LUZP2: variants seen among roughly 807,000 people sequenced by gnomAD.
LUZP2 encodes leucine zipper protein 2.
LUZP2 carries 52 observed loss-of-function variants against 51.6 expected under a neutral mutation model. The observed-to-expected ratio is 1.01, with a 90% CI of 0.81 to 1.27. The LOEUF is 1.27. Ranked by LOEUF, LUZP2 falls within the 50% of genes most tolerant of loss-of-function variation. The pLI, the probability that LUZP2 is intolerant of heterozygous loss-of-function variation, is 0.00. For missense variants in LUZP2, 436 were observed against 395.4 expected (o/e 1.10, Z -0.87); for synonymous variants, 154 against 137.3 (o/e 1.12, Z -0.85).
At chr11:24,769,821 C>T (rs1590487804) in intron 5 of LUZP2, among the ~76,000 whole-genome samples, 1 of 147,992 alleles carries the variant, frequency 6.8e-6, no homozygotes, top group African/African-American at 2.5e-5. Flanking sequence ...GAGACAGAGT[C>T]TCGCTCTGTC....
At chr11:24,728,628 C>G (rs1315366685) in intron 1 of LUZP2, among the ~76,000 whole-genome samples, 1 of 151,960 alleles carries the variant, frequency 6.6e-6, no homozygotes, top group Non-Finnish European at 1.5e-5. Context: ...GCCCAAATTC[C>G]CAATTATCAC....
At chr11:24,548,528 C>A (rs1851628020) in intron 1 of LUZP2, among the ~76,000 whole-genome samples, 1 of 151,924 alleles carries the variant, frequency 6.6e-6, no homozygotes, top group Non-Finnish European at 1.5e-5. Context: ...AAGAAGGGAG[C>A]AATAGACACC....
At chr11:25,063,566 C>G (rs1196561110) in intron 10 of LUZP2, among the ~76,000 whole-genome samples, 1 of 151,760 alleles carries the variant, frequency 6.6e-6, no homozygotes, top group Non-Finnish European at 1.5e-5. Flanking sequence ...AATAGTTTAT[C>G]ATTTTAATTC....
chr11:24,829,655 C>A (rs2134175722), intron 5 of LUZP2, among the ~76,000 whole-genome samples: 1 of 152,210 alleles, frequency 6.6e-6, no homozygotes, highest in East Asian at 1.9e-4. Context: ...GGGTATCTAT[C>A]AAGATAAACT....
intron 9 of LUZP2, among the ~76,000 whole-genome samples, chr11:25,028,141 G>A (rs10834583): frequency 0.47 from 71,718 of 151,888 alleles, 17,418 homozygotes; most frequent in Non-Finnish European, 0.51. Context: ...CATACAATGC[G>A]TAATAGTCAC....
chr11:24,927,095 CT>C (rs893396683), intron 7 of LUZP2, among the ~76,000 whole-genome samples: 289 of 144,032 alleles, frequency 2.0e-3, no homozygotes, highest in Middle Eastern at 7.5e-3. Context: ...TTGATGGGAT[CT>C]TTTTTTTTTT....
intron 5 of LUZP2, among the ~76,000 whole-genome samples, chr11:24,897,477 G>C (rs1853114524): frequency 6.6e-6 from 1 of 152,058 alleles, no homozygotes; most frequent in African/African-American, 2.4e-5. Context: ...CGGGAGGAAT[G>C]AACAACTCTG....
At chr11:24,897,324 C>T (rs943198730) in intron 5 of LUZP2, among the ~76,000 whole-genome samples, 4 of 152,180 alleles carry the variant, frequency 2.6e-5, no homozygotes, top group Non-Finnish European at 5.9e-5. Flanking sequence ...AGCAACCCGC[C>T]TCTGTGGAAG....
chr11:24,551,624 A>G (rs1851727543), intron 1 of LUZP2, among the ~76,000 whole-genome samples: 1 of 152,054 alleles, frequency 6.6e-6, no homozygotes, highest in South Asian at 2.1e-4. Flanking sequence ...TTAAAAACCC[A>G]AGTGACAAAA....
intron 10 of LUZP2, among the ~76,000 whole-genome samples, chr11:25,064,143 A>G (rs1221017134): frequency 6.6e-6 from 1 of 152,070 alleles, no homozygotes; most frequent in East Asian, 1.9e-4. Flanking sequence ...CAATTCACAT[A>G]CCATATAGTT....
chr11:24,506,885 G>C, intron 1 of LUZP2, among the ~76,000 whole-genome samples: 1 of 152,186 alleles, frequency 6.6e-6, no homozygotes, highest in East Asian at 1.9e-4. Flanking sequence ...ATAGAATCTA[G>C]TCTCTGTATA....
chr11:24,818,564 T>C (rs369907869), intron 5 of LUZP2, among the ~76,000 whole-genome samples: 3 of 152,220 alleles, frequency 2.0e-5, no homozygotes, highest in African/African-American at 7.2e-5. Context: ...GGCTTTAAAC[T>C]TTCAATTTCT....
At chr11:24,785,975 C>T (rs376008043) in intron 5 of LUZP2, 16 of 985,316 alleles carry the variant, frequency 1.6e-5, no homozygotes, top group Non-Finnish European at 1.9e-5. Context: ...TGAGTTTGGA[C>T]TTACAAGCTT....
chr11:25,019,582 A>G (rs1430984419), intron 9 of LUZP2, among the ~76,000 whole-genome samples: 1 of 152,152 alleles, frequency 6.6e-6, no homozygotes, highest in Non-Finnish European at 1.5e-5. Context: ...TAAAGTCTGC[A>G]AAGAAAATAT....
chr11:24,694,856 T>C (rs896067459), intron 1 of LUZP2, among the ~76,000 whole-genome samples: 2 of 149,534 alleles, frequency 1.3e-5, no homozygotes, highest in Non-Finnish European at 3.0e-5. Context: ...TCACTCATCA[T>C]GGGAGTTGAA....
chr11:24,607,145 C>G (rs917667161), intron 1 of LUZP2, among the ~76,000 whole-genome samples: 1 of 150,986 alleles, frequency 6.6e-6, no homozygotes, highest in Non-Finnish European at 1.5e-5. Context: ...GTTTCATGTA[C>G]TTCCAATCAT....
At chr11:24,502,729 C>T (rs1850035805) in intron 1 of LUZP2, among the ~76,000 whole-genome samples, 1 of 152,118 alleles carries the variant, frequency 6.6e-6, no homozygotes, top group African/African-American at 2.4e-5. Flanking sequence ...TGGTGAACAC[C>T]ATGAAAATCT....
At chr11:24,768,902 A>T (rs1266566293) in intron 5 of LUZP2, among the ~76,000 whole-genome samples, 1 of 152,264 alleles carries the variant, frequency 6.6e-6, no homozygotes, top group East Asian at 1.9e-4. Flanking sequence ...CTTGTTATAT[A>T]TCCAAAGGAA....
At chr11:24,703,555 G>A (rs1051565230) in intron 1 of LUZP2, among the ~76,000 whole-genome samples, 10 of 152,164 alleles carry the variant, frequency 6.6e-5, no homozygotes, top group African/African-American at 2.4e-4. Flanking sequence ...AAGCACACTG[G>A]CTCATGCCTG....
Sources: allele counts gnomAD v4.1 joint callset (sites outside exome capture counted in the v4.1 genomes callset), GRCh38; gene constraint gnomAD v4.1.1; transcripts MANE v1.5; gene names NCBI Gene and HGNC (gene_info 2026-07-23, HGNC 2026-07-21).